Variants in MAN2A1 observed in about 807,000 individuals in gnomAD.
The protein encoded by MAN2A1 is mannosidase alpha class 2A member 1, also known as alpha-mannosidase 2.
In MAN2A1, 76 loss-of-function variants were observed where a neutral mutation model predicts 142.6. That is an observed-to-expected ratio of 0.53 (90% CI 0.44 to 0.65). The LOEUF is 0.65. MAN2A1 is among the 30% of genes least tolerant of loss of function. The probability of loss-of-function intolerance (pLI) is 0.00; values close to 1 mark genes in which losing one functional copy is unlikely to be tolerated. For missense variants in MAN2A1, 1,311 were observed against 1,365.1 expected (o/e 0.96, Z 0.62); for synonymous variants, 559 against 473.2 (o/e 1.18, Z -2.35).
chr5:109,695,702 A>AGCAGC (rs1181727931), intron 1 of MAN2A1, among the ~76,000 whole-genome samples: 1 of 152,196 alleles, frequency 6.6e-6, no homozygotes, highest in Non-Finnish European at 1.5e-5. Flanking sequence ...AGTTCCTGAT[A>AGCAGC]GCAGCAGCTT....
intron 20 of MAN2A1, chr5:109,862,978 C>T (rs1755793835): frequency 6.6e-6 from 1 of 152,026 alleles, no homozygotes; most frequent in Admixed American, 6.6e-5. Flanking sequence ...TGTAGAATTC[C>T]AAAGGTGTTT....
chr5:109,821,692 A>G (rs1754627240), intron 15 of MAN2A1, among the ~76,000 whole-genome samples: 1 of 151,928 alleles, frequency 6.6e-6, no homozygotes, highest in African/African-American at 2.4e-5. Flanking sequence ...TTGTACCTTC[A>G]TTTATCTTTC....
intron 4 of MAN2A1, among the ~76,000 whole-genome samples, chr5:109,737,909 A>G (rs1396000672): frequency 6.6e-6 from 1 of 152,180 alleles, no homozygotes; most frequent in African/African-American, 2.4e-5. Context: ...GTTAGCTGAA[A>G]TCTTTTGGAA....
At chr5:109,805,982 G>A (rs1754153928) in intron 12 of MAN2A1, among the ~76,000 whole-genome samples, 1 of 152,152 alleles carries the variant, frequency 6.6e-6, no homozygotes, top group Admixed American at 6.5e-5. Flanking sequence ...ACAACCGCTT[G>A]TGTTGTCATC....
At chr5:109,812,939 T>A (rs1754357130) in intron 12 of MAN2A1, among the ~76,000 whole-genome samples, 1 of 152,182 alleles carries the variant, frequency 6.6e-6, no homozygotes, top group South Asian at 2.1e-4. Context: ...TACAGTTATT[T>A]TTCATATGCC....
rs746013214 is a variant in MAN2A1, at chr5:109,755,333, A to G, written c.712A>G (p.Ile238Val). ...CTCTTGTTATTTTCTCTCTAGTTTAATAGAAAATGGTCAGCTTGAAATTGT... is the reference window on the plus strand; with the variant it reads ...CTCTTGTTATTTTCTCTCTAGTTTAGTAGAAAATGGTCAGCTTGAAATTGT... ...IQKKDAVKSLIENGQLEIVTG... is the reference protein window; with the variant it reads ...IQKKDAVKSLVENGQLEIVTG... Residue 238 changes from isoleucine to valine, a missense_variant, in exon 5 of 22, where the codon ATA becomes GTA. Ile to Val is a conservative substitution (Grantham distance 29). Coordinates refer to ENST00000261483, the MANE Select transcript of MAN2A1 (RefSeq NM_002372.4). The G allele has an allele frequency of 6.8e-6, 11 of 1,610,748 alleles. No individual in the cohort carries two copies. In the South Asian group the frequency reaches 1.1e-4, roughly 16 times the overall value.
At chr5:109,843,190 T>A (rs955913872) in intron 17 of MAN2A1, among the ~76,000 whole-genome samples, 1 of 152,146 alleles carries the variant, frequency 6.6e-6, no homozygotes. Flanking sequence ...TTTAATTGAC[T>A]CACAGTTCTG....
rs142127090 is a variant in MAN2A1 at position 109,736,365 on chromosome 5, T to G, written c.707+6852T>G. On this transcript the variant is annotated intron_variant, in intron 4 of 21. Coordinates refer to ENST00000261483, the MANE Select transcript of MAN2A1 (RefSeq NM_002372.4). ...GGCAATTTTTTGATTAAGTTTTAAATTTTTTGTCAAGTGCAGTGGCTAATG... is the reference window on the plus strand; with the variant it reads ...GGCAATTTTTTGATTAAGTTTTAAAGTTTTTGTCAAGTGCAGTGGCTAATG... 2.7e-3 allele frequency among the ~76,000 whole-genome samples: 417 copies of G among 152,204 alleles called. 5 individuals are homozygous for G. Among genetic ancestry groups the G allele is most frequent in the African/African-American group, 9.2e-3 (381 of 41,544 alleles).
intron 19 of MAN2A1, 46 bp downstream of exon 19, chr5:109,847,836 C>T: frequency 7.4e-7 from 1 of 1,352,072 alleles, no homozygotes; most frequent in Non-Finnish European, 9.7e-7. Context: ...TGTTCTTTGT[C>T]ACCCAAAACT....
At chr5:109,761,273 G>A (rs1752836649) in intron 5 of MAN2A1, among the ~76,000 whole-genome samples, 1 of 151,622 alleles carries the variant, frequency 6.6e-6, no homozygotes, top group African/African-American at 2.4e-5. Flanking sequence ...TTATAGTAAT[G>A]ACATAGGGTA....
At chr5:109,841,129 A>G (rs1163126074) in intron 16 of MAN2A1, among the ~76,000 whole-genome samples, 4 of 151,978 alleles carry the variant, frequency 2.6e-5, no homozygotes, top group Non-Finnish European at 5.9e-5. Flanking sequence ...GTCCTGTAAT[A>G]TCTCTCTCGC....
At chr5:109,723,307 A>T (rs1751655920) in intron 3 of MAN2A1, among the ~76,000 whole-genome samples, 1 of 152,178 alleles carries the variant, frequency 6.6e-6, no homozygotes, top group Non-Finnish European at 1.5e-5. Context: ...AACTGAGAAA[A>T]ACAGGTTAGA....
intron 12 of MAN2A1, 101 bp from the exon 13 acceptor site, chr5:109,817,172 A>ATATATGTATATG (rs10524185): frequency 5.6e-5 from 58 of 1,029,124 alleles, no homozygotes; most frequent in Admixed American, 1.5e-4. Context: ...TCTCAAAAAT[A>ATATATGTATATG]TATATGTATA....
chr5:109,736,448 T>C (rs1330920763), intron 4 of MAN2A1, among the ~76,000 whole-genome samples: 4 of 152,046 alleles, frequency 2.6e-5, no homozygotes, highest in African/African-American at 4.8e-5. Context: ...ACCCAAGAAT[T>C]GGAGGCTATA....
At position 109,845,934 on chromosome 5, in the gene MAN2A1, T is replaced by C; in HGVS notation, c.2770T>C (p.Tyr924His). The C allele has an allele frequency of 6.2e-7, 1 of 1,613,802 alleles. No individual in the cohort carries two copies. Among genetic ancestry groups the C allele is most frequent in the Non-Finnish European group, 8.5e-7 (1 of 1,179,750 alleles). Residue 924 changes from tyrosine (Y) to histidine (H), a missense_variant, in exon 18 of 22, where the codon TAT becomes CAT. Physicochemically the swap from Tyr to His is moderately conservative, Grantham distance 83. Coordinates refer to ENST00000261483, the MANE Select transcript of MAN2A1 (RefSeq NM_002372.4). ...ANVYPMTTMA[Y>H]IQDAKHRLTL... ...TGTCTATCCCATGACCACAATGGCCTATATCCAGGATGCCAAACATCGTTT... is the reference window on the plus strand; with the variant it reads ...TGTCTATCCCATGACCACAATGGCCCATATCCAGGATGCCAAACATCGTTT...
intron 3 of MAN2A1, among the ~76,000 whole-genome samples, chr5:109,720,107 A>G (rs1751560063): frequency 6.6e-6 from 1 of 152,192 alleles, no homozygotes; most frequent in Admixed American, 6.5e-5. Flanking sequence ...CCCACTAGTT[A>G]AACTGCTGAA....
intron 20 of MAN2A1, among the ~76,000 whole-genome samples, chr5:109,858,641 C>G (rs1755682763): frequency 6.6e-6 from 1 of 152,112 alleles, no homozygotes. Flanking sequence ...CTGCATTGGC[C>G]TGTATTTAAG....
intron 16 of MAN2A1, among the ~76,000 whole-genome samples, chr5:109,832,649 G>A (rs1171949777): frequency 6.6e-6 from 1 of 152,018 alleles, no homozygotes; most frequent in Non-Finnish European, 1.5e-5. Context: ...CGACAAAACC[G>A]CCATCGTCAT....
chr5:109,810,013 G>T (rs1754275276), intron 12 of MAN2A1, among the ~76,000 whole-genome samples: 1 of 151,856 alleles, frequency 6.6e-6, no homozygotes, highest in South Asian at 2.1e-4. Flanking sequence ...TATCTTTGGA[G>T]TTTTTAACTG....
Sources: allele counts gnomAD v4.1 joint callset (sites outside exome capture counted in the v4.1 genomes callset), GRCh38; gene constraint gnomAD v4.1.1; transcripts MANE v1.5; gene names NCBI Gene and HGNC (gene_info 2026-07-23, HGNC 2026-07-21).